The following CERS3 variants were observed in gnomAD, a reference collection of about 807,000 sequenced individuals.
CERS3 encodes the protein ceramide synthase 3.
A neutral mutation model predicts 50.3 loss-of-function variants in CERS3; 33 were observed. The observed-to-expected ratio is 0.66, with a 90% CI of 0.50 to 0.88. The LOEUF (loss-of-function observed/expected upper bound fraction) is 0.88, where lower values mean the gene tolerates loss of function less well. Among genes scored for constraint, CERS3 ranks in the 40% least tolerant of loss-of-function variants. CERS3 has a pLI of 0.00. For synonymous variants in CERS3, 176 were observed against 155.2 expected (o/e 1.13, Z -0.99); for missense variants, 470 against 460.3 (o/e 1.02, Z -0.19).
Position 100,402,319 on chromosome 15 carries a change from C to A in CERS3, c.*394G>T. On this transcript the variant is annotated 3_prime_UTR_variant, in exon 12 of 12. Coordinates refer to ENST00000679737, the MANE Select transcript of CERS3 (RefSeq NM_001378789.1). ...TTGAGAAAGAAGCTGCTCTTTGTGG[C>A]CAAACACACCTGGGAAAAATGAGAT... The A allele has an allele frequency of 6.2e-6, 1 of 161,866 alleles. No individual in the cohort carries two copies. Among genetic ancestry groups the A allele is most frequent in the Non-Finnish European group, 1.3e-5 (1 of 74,484 alleles). 10.0% of individuals were successfully genotyped at this position (161,866 alleles called of 1,614,324 possible). A position where few individuals can be genotyped will look rare whatever the true frequency, so the allele number is the denominator to read the frequency against.
rs780563532 is a variant in CERS3 at position 100,402,336 on chromosome 15, A to C, written c.*377T>G. The stretch of plus-strand genomic sequence containing the variant: ...CTTTGTGGCCAAACACACCTGGGAA[A>C]AATGAGATCACTTAGCACCTGTGAA... On this transcript the variant is annotated 3_prime_UTR_variant, in exon 12 of 12. Transcript: ENST00000679737. 25 of 168,042 alleles carry C rather than the reference A, an allele frequency of 1.5e-4. No individual in the cohort carries two copies. Among genetic ancestry groups the C allele is most frequent in the Non-Finnish European group, 2.7e-4 (21 of 78,668 alleles). The allele number at this position is 168,042 out of a possible 1,614,324, so 10.4% of individuals were successfully genotyped here. A position where few individuals can be genotyped will look rare whatever the true frequency, so the allele number is the denominator to read the frequency against.
At chr15:100,490,212 T>C (rs549102057) in intron 4 of CERS3, among the ~76,000 whole-genome samples, 1 of 152,320 alleles carries the variant, frequency 6.6e-6, no homozygotes, top group Non-Finnish European at 1.5e-5. Context: ...ACTTTTTCTT[T>C]TTTCTTTTTC....
chr15:100,437,526 C>T (rs1299069541), intron 11 of CERS3, among the ~76,000 whole-genome samples: 1 of 152,180 alleles, frequency 6.6e-6, no homozygotes, highest in Non-Finnish European at 1.5e-5. Flanking sequence ...AAGTCAAGGA[C>T]TCACAATGTC....
chr15:100,476,059 A>G, intron 8 of CERS3, 27 bp downstream of exon 8: 1 of 1,467,908 alleles, frequency 6.8e-7, no homozygotes, highest in Non-Finnish European at 9.2e-7. Flanking sequence ...GAAATTGATA[A>G]AGAAGCTTTG....
At chr15:100,465,640 T>G (rs1253266288) in intron 10 of CERS3, among the ~76,000 whole-genome samples, 1 of 151,834 alleles carries the variant, frequency 6.6e-6, no homozygotes, top group Non-Finnish European at 1.5e-5. Context: ...CCAGGAAAAG[T>G]TTTTGCTGTT....
At chr15:100,509,753 G>A (rs945791398) in intron 2 of CERS3, among the ~76,000 whole-genome samples, 3 of 152,130 alleles carry the variant, frequency 2.0e-5, no homozygotes, top group East Asian at 1.9e-4. Flanking sequence ...TGTCTTGCTC[G>A]CTATTGCCTA....
At chr15:100,461,527 T>A (rs1011122571) in intron 10 of CERS3, among the ~76,000 whole-genome samples, 3 of 152,174 alleles carry the variant, frequency 2.0e-5, no homozygotes, top group African/African-American at 7.2e-5. Flanking sequence ...TTATGAGGAT[T>A]CAATGAGTTG....
intron 11 of CERS3, among the ~76,000 whole-genome samples, chr15:100,436,876 A>T (rs1480052405): frequency 3.9e-5 from 6 of 151,916 alleles, no homozygotes; most frequent in Admixed American, 3.9e-4. Context: ...ACAGAGAGAG[A>T]CACTGCAACA....
chr15:100,441,457 G>C (rs1257321740), intron 11 of CERS3, among the ~76,000 whole-genome samples: 1 of 151,486 alleles, frequency 6.6e-6, no homozygotes, highest in Admixed American at 6.6e-5. Context: ...CGCTTTTCTG[G>C]AGGGTAAAAA....
intron 11 of CERS3, among the ~76,000 whole-genome samples, chr15:100,423,943 C>A (rs1426347410): frequency 7.2e-6 from 1 of 139,704 alleles, no homozygotes; most frequent in African/African-American, 2.7e-5. Flanking sequence ...TTCTTTCTTT[C>A]TTTTTTTTTT....
At chr15:100,405,238 A>AC (rs2030905893) in intron 11 of CERS3, among the ~76,000 whole-genome samples, 4 of 54,190 alleles carry the variant, frequency 7.4e-5, no homozygotes, top group South Asian at 1.7e-3. Flanking sequence ...AATGGTAAAA[A>AC]AAAAAAAAAA....
At chr15:100,474,298 A>G (rs2035057542) in intron 8 of CERS3, among the ~76,000 whole-genome samples, 1 of 152,270 alleles carries the variant, frequency 6.6e-6, no homozygotes, top group Non-Finnish European at 1.5e-5. Context: ...ATATCTCAAT[A>G]AAGATGTTTA....
At position 100,400,603 on chromosome 15, in the gene CERS3, T is replaced by C. The variant is rs965992465; in HGVS notation, c.*2110A>G. The C allele has an allele frequency of 6.6e-6, 1 of 152,134 alleles. No homozygotes were observed. The highest frequency in any genetic ancestry group is 2.4e-5 in the African/African-American group (1 of 41,416). The allele number at this position is 152,134 out of a possible 1,614,324, so 9.4% of individuals were successfully genotyped here. On this transcript the variant is annotated 3_prime_UTR_variant, in exon 12 of 12. Coordinates refer to ENST00000679737, the MANE Select transcript of CERS3 (RefSeq NM_001378789.1). ...TGAAGTAGTTTAGTGCTTTCAGCTG[T>C]ATCAGAAATAGTTAAAATTGGTATA... is the stretch of plus-strand genomic sequence containing the variant.
chr15:100,442,807 C>T (rs979565009), intron 11 of CERS3, among the ~76,000 whole-genome samples: 19 of 152,338 alleles, frequency 1.2e-4, no homozygotes, highest in East Asian at 3.9e-4. Context: ...CCATCACGGA[C>T]GCCGAGCTGC....
At chr15:100,481,472 C>G (rs1202531276) in intron 5 of CERS3, among the ~76,000 whole-genome samples, 2 of 152,212 alleles carry the variant, frequency 1.3e-5, no homozygotes, top group African/African-American at 2.4e-5. Flanking sequence ...CCAAACAAAA[C>G]CCACAAAATA....
intron 11 of CERS3, among the ~76,000 whole-genome samples, chr15:100,436,691 T>G (rs764219565): frequency 6.6e-6 from 1 of 152,146 alleles, no homozygotes; most frequent in Non-Finnish European, 1.5e-5. Flanking sequence ...TTTTTAATAA[T>G]GCTAACAGAC....
chr15:100,521,246 G>T (rs1002567973), intron 2 of CERS3, among the ~76,000 whole-genome samples: 1 of 152,058 alleles, frequency 6.6e-6, no homozygotes, highest in African/African-American at 2.4e-5. Flanking sequence ...TATCATTTGG[G>T]GTCATATTTT....
chr15:100,473,018 G>A lies in CERS3; in HGVS notation c.644C>T (p.Ala215Val), dbSNP rs942664952. 1 of 1,613,684 alleles carries A rather than the reference G, an allele frequency of 6.2e-7. No individual in the cohort carries two copies. Among genetic ancestry groups the A allele is most frequent in the African/African-American group, 1.3e-5 (1 of 74,892 alleles). ...FLAHIIHHLA[A>V]ISLMSFSWCA... is the part of the protein sequence containing the mutation. ...CCAAGAGAAGCTCATCAGACTAATA[G>A]CAGCCAGGTGGTGGATGATATGAGC... Residue 215 changes from alanine to valine, a missense_variant, in exon 9 of 12, where the codon GCT (alanine) becomes GTT (valine). Physicochemically the swap from Ala to Val is moderately conservative, Grantham distance 64. Coordinates refer to ENST00000679737, the MANE Select transcript of CERS3 (RefSeq NM_001378789.1).
chr15:100,452,274 A>G (rs1200952036), intron 11 of CERS3, among the ~76,000 whole-genome samples: 2 of 152,240 alleles, frequency 1.3e-5, no homozygotes, highest in East Asian at 3.8e-4. Flanking sequence ...TATATGTAGT[A>G]TCTTTTTAGA....
Sources: allele counts gnomAD v4.1 joint callset (sites outside exome capture counted in the v4.1 genomes callset), GRCh38; gene constraint gnomAD v4.1.1; transcripts MANE v1.5; gene names NCBI Gene and HGNC (gene_info 2026-07-23, HGNC 2026-07-21).